The following PYGM variants were observed in gnomAD, a reference collection of about 807,000 sequenced individuals.
The protein encoded by PYGM is glycogen phosphorylase, muscle form.
PYGM carries 81 observed loss-of-function variants against 99.3 expected under a neutral mutation model. That is an observed-to-expected ratio of 0.82 (90% confidence interval 0.68 to 0.98). The LOEUF (loss-of-function observed/expected upper bound fraction) is 0.98. Ranked by LOEUF, PYGM falls within the 50% of genes least tolerant of loss-of-function variation. PYGM has a pLI of 0.00. For synonymous variants in PYGM, 436 were observed against 451.5 expected (o/e 0.97, Z 0.44); for missense variants, 1,030 against 1,158.1 (o/e 0.89, Z 1.61).
In PYGM at chr11:64,746,401, C is replaced by G. The variant is rs1274806292; in HGVS notation, c.*258G>C. On this transcript the variant is annotated 3_prime_UTR_variant, in exon 20 of 20. Transcript: ENST00000164139. ...CAACAAAGAGGAGTAAGGAGGCTCC[C>G]AAGGAGAATGAATTTATTAGGGAGT... is the stretch of plus-strand genomic sequence containing the variant. 1.7e-5 allele frequency: 10 copies of G among 584,216 alleles called. No individual in the cohort carries two copies. The highest frequency in any genetic ancestry group is 3.0e-5 in the Non-Finnish European group (10 of 328,314). The allele number at this position is 584,216 out of a possible 1,614,324, so 36.2% of individuals were successfully genotyped here.
At chr11:64,747,460 C>A in intron 17 of PYGM, 102 bp from the exon 18 acceptor site, 2 of 1,523,892 alleles carry the variant, frequency 1.3e-6, no homozygotes, top group Non-Finnish European at 1.8e-6. Context: ...AAACCCAGGT[C>A]CAGCCTGCTG....
chr11:64,753,182 T>C lies in PYGM; in HGVS notation c.1409A>G (p.Lys470Arg), dbSNP rs754940511. Residue 470 changes from lysine to arginine, a missense_variant, in exon 12 of 20, where the codon AAA becomes AGA. Coordinates refer to ENST00000164139, the MANE Select transcript of PYGM (RefSeq NM_005609.4). Reference sequence around the variant, plus strand: ...ATGAGGCTCCAGCTCATAGAAGTCTTTGAAGCTGCAGGATGAGGTTGGACG... The same window carrying C: ...ATGAGGCTCCAGCTCATAGAAGTCTCTGAAGCTGCAGGATGAGGTTGGACG... ...HSEILKKTIF[K>R]DFYELEPHKF... The C allele has an allele frequency of 4.9e-5, 79 of 1,608,310 alleles. No individual in the cohort carries two copies. The highest frequency in any genetic ancestry group is 6.7e-5 in the African/African-American group (5 of 74,778).
chr11:64,755,796 G>A lies in PYGM; in HGVS notation c.661-238C>T, dbSNP rs957691871. Among the ~76,000 whole-genome samples the A allele has an allele frequency of 6.6e-6, 1 of 152,234 alleles. No homozygotes were observed. The highest frequency in any genetic ancestry group is 2.4e-5 in the African/African-American group (1 of 41,460). ...AAGCCCTGCCTGGGCAGACGGTGGT[G>A]AGGAAAATGGAAGGAGGCAGGTGAT... is the stretch of plus-strand genomic sequence containing the variant. On this transcript the variant is annotated intron_variant, in intron 5 of 19. Coordinates refer to ENST00000164139, the MANE Select transcript of PYGM (RefSeq NM_005609.4). The surrounding 1 kb of genome is among the most constrained non-coding windows in gnomAD (Gnocchi z 4.1).
intron 5 of PYGM, among the ~76,000 whole-genome samples, chr11:64,757,232 A>AT (rs1430806953): frequency 2.6e-5 from 4 of 151,240 alleles, no homozygotes; most frequent in Admixed American, 2.0e-4. Flanking sequence ...TATTTTTTTT[A>AT]TTTTTTGTAG....
At position 64,752,464 on chromosome 11, in the gene PYGM, C is replaced by T. The variant is rs572480976; in HGVS notation, c.1559G>A (p.Arg520His). The change falls in exon 13 of 20, where the codon CGC becomes CAC. Residue 520 changes from arginine (R) to histidine (H), a missense_variant. Transcript: ENST00000164139. ...EDFISDLDQL[R>H]KLLSFVDDEA... ...ATCATCCACAAAGGAGAGCAGTTTG[C>T]GCAGCTGGTCCAGGTCAGAGATGAA... 9.9e-6 allele frequency: 16 copies of T among 1,614,228 alleles called. No homozygotes were observed. The highest frequency in any genetic ancestry group is 4.4e-5 in the South Asian group (4 of 91,090).
chr11:64,758,108 G>C, intron 4 of PYGM, 138 bp downstream of exon 4: 2 of 1,352,880 alleles, frequency 1.5e-6, no homozygotes, highest in Non-Finnish European at 2.1e-6. Flanking sequence ...AGCTGGCTTT[G>C]GGTCGGGGGG....
chr11:64,748,756 T>C (rs2058331998), intron 17 of PYGM: 1 of 152,160 alleles, frequency 6.6e-6, no homozygotes, highest in Non-Finnish European at 1.5e-5. Context: ...AATGCTAAGA[T>C]ATCAGGATTC....
Position 64,759,815 on chromosome 11 carries a change from C to G in PYGM, c.84G>C (p.Leu28=), listed in dbSNP as rs752615989. ...GLAGVENVTE[L]KKNFNRHLHF... ...GCAGGTGCCGGTTGAAGTTCTTTTT[C>G]AGCTCAGTCACGTTCTCCACGCCGG... The change falls in exon 1 of 20, where the codon CTG becomes CTC. Residue 28 remains leucine, a synonymous_variant. Transcript: ENST00000164139. The G allele has an allele frequency of 5.0e-6, 8 of 1,614,210 alleles. No individual in the cohort carries two copies. The highest frequency in any genetic ancestry group is 3.3e-5 in the Admixed American group (2 of 60,036).
chr11:64,753,378 C>A, intron 11 of PYGM, 141 bp downstream of exon 11: 1 of 1,307,296 alleles, frequency 7.6e-7, no homozygotes, highest in South Asian at 1.3e-5. Flanking sequence ...GGCTGCTGTG[C>A]TTGTAAGAAT....
chr11:64,755,698 C>A lies in PYGM; in HGVS notation c.661-140G>T. On this transcript the variant is annotated intron_variant, in intron 5 of 19. Coordinates refer to ENST00000164139, the MANE Select transcript of PYGM (RefSeq NM_005609.4). The surrounding 1 kb of genome is among the most constrained non-coding windows in gnomAD (Gnocchi z 4.1). ...GTCTAGCATCGATGAGCTGGGTAACCATGAGCAAACCCCATAGTCTCTCTG... is the reference window on the plus strand; with the variant it reads ...GTCTAGCATCGATGAGCTGGGTAACAATGAGCAAACCCCATAGTCTCTCTG... 1.5e-6 allele frequency: 1 copy of A among 681,998 alleles called. No homozygotes were observed. The highest frequency in any genetic ancestry group is 2.6e-6 in the Non-Finnish European group (1 of 388,312). 42.2% of individuals were successfully genotyped at this position (681,998 alleles called of 1,614,324 possible). A position where few individuals can be genotyped will look rare whatever the true frequency, so the allele number is the denominator to read the frequency against.
At chr11:64,753,007 G>T in intron 12 of PYGM, 66 bp downstream of exon 12, 1 of 1,413,024 alleles carries the variant, frequency 7.1e-7, no homozygotes, top group South Asian at 1.2e-5. Flanking sequence ...CCACCTACAC[G>T]ACCATACCCA....
chr11:64,758,695 A>C lies in PYGM; in HGVS notation c.253T>G (p.Tyr85Asp). Residue 85 changes from tyrosine (Y) to aspartate (D), a missense_variant, in exon 2 of 20, where the codon TAC becomes GAC. Physicochemically the swap from Tyr to Asp is radical, Grantham distance 160. Transcript: ENST00000164139. ...CCCATATAGAACTCTAAAGACAGGT[A>C]GTAGATCCTCTGCCCAGAGAGACGG... ...YYEKDPKRIY[Y>D]LSLEFYMGRT... 6.2e-7 allele frequency: 1 copy of C among 1,606,074 alleles called. No individual in the cohort carries two copies. The highest frequency in any genetic ancestry group is 8.5e-7 in the Non-Finnish European group (1 of 1,172,778).
At chr11:64,753,040 G>C in intron 12 of PYGM, 33 bp downstream of exon 12, 1 of 1,539,804 alleles carries the variant, frequency 6.5e-7, no homozygotes, top group Non-Finnish European at 9.0e-7. Context: ...AGGGACCCAT[G>C]TTGACTCTAC....
chr11:64,753,823 C>A, intron 10 of PYGM, 56 bp downstream of exon 10: 1 of 1,548,636 alleles, frequency 6.5e-7, no homozygotes, highest in Non-Finnish European at 8.7e-7. Context: ...GACTCCCAGG[C>A]CCAGACTGGG....
intron 5 of PYGM, among the ~76,000 whole-genome samples, chr11:64,757,573 T>G (rs2058401522): frequency 6.6e-6 from 1 of 152,184 alleles, no homozygotes; most frequent in Non-Finnish European, 1.5e-5. Flanking sequence ...TCTCTCCCCT[T>G]CCAGACTCTG....
chr11:64,758,312 G>A lies in PYGM; in HGVS notation c.462C>T (p.Ala154=), dbSNP rs1410374422. ...FLDSMATLGL[A]AYGYGIRYEF... is the part of the protein sequence containing the mutation. ...CATAGCGAATCCCGTAGCCATAGGC[G>A]GCCAGGCCCAGTGTTGCCATGGAGT... is the stretch of plus-strand genomic sequence containing the variant. Residue 154 remains alanine (A), a synonymous_variant, in exon 4 of 20, where the codon GCC becomes GCT. Coordinates refer to ENST00000164139, the MANE Select transcript of PYGM (RefSeq NM_005609.4). 8 of 1,614,114 alleles carry A rather than the reference G, an allele frequency of 5.0e-6. No homozygotes were observed. Among genetic ancestry groups the A allele is most frequent in the East Asian group, 2.2e-5 (1 of 44,880 alleles).
At chr11:64,750,355 C>T (rs746633828) in intron 17 of PYGM, 21 bp downstream of exon 17, 25 of 1,613,700 alleles carry the variant, frequency 1.5e-5, no homozygotes, top group African/African-American at 4.0e-5. Flanking sequence ...GTCTTTTGCC[C>T]GTGAACCCTG....
chr11:64,751,884 G>C, intron 14 of PYGM, 40 bp downstream of exon 14: 2 of 1,613,174 alleles, frequency 1.2e-6, no homozygotes, highest in Non-Finnish European at 1.7e-6. Context: ...CAGGAACACG[G>C]GGGAGCACTG....
In PYGM at chr11:64,758,718, C is replaced by G; in HGVS notation, c.244-14G>C. On this transcript the variant is annotated splice_polypyrimidine_tract_variant and intron_variant, in intron 1 of 19. Transcript: ENST00000164139. Reference sequence around the variant, plus strand: ...GTAGTAGATCCTCTGCCCAGAGAGACGGATGGGCAGGGAATGGGGTCAGGG... The same window carrying G: ...GTAGTAGATCCTCTGCCCAGAGAGAGGGATGGGCAGGGAATGGGGTCAGGG... 6.3e-7 allele frequency: 1 copy of G among 1,580,870 alleles called. No individual in the cohort carries two copies.
Sources: gnomAD v4.1 joint callset for allele counts (sites outside exome capture counted in the v4.1 genomes callset) on GRCh38, gnomAD v4.1.1 for gene constraint, Gnocchi (gnomAD v3.1) non-coding constraint, MANE v1.5 for transcripts, NCBI Gene and HGNC (gene_info 2026-07-23, HGNC 2026-07-21) for gene names.